MAP3K4: variants seen among roughly 807,000 people sequenced by gnomAD.
MAP3K4 encodes the protein mitogen-activated protein kinase kinase kinase 4.
A neutral mutation model predicts 185.6 loss-of-function variants in MAP3K4; 67 were observed. That is an observed-to-expected ratio of 0.36 (90% CI 0.30 to 0.44). The LOEUF is 0.44. MAP3K4 is among the 20% of genes least tolerant of loss of function. The pLI, the probability that MAP3K4 is intolerant of heterozygous loss-of-function variation, is 1.00. For synonymous variants in MAP3K4, 702 were observed against 710.4 expected (o/e 0.99, Z 0.19); for missense variants, 1,551 against 1,995.1 (o/e 0.78, Z 4.24).
chr6:161,094,493 CTG>C (rs1430968716), intron 15 of MAP3K4, among the ~76,000 whole-genome samples: 6 of 152,104 alleles, frequency 3.9e-5, no homozygotes, highest in African/African-American at 1.4e-4. Context: ...TCAAAAAAAG[CTG>C]TGTCTTATGC....
intron 3 of MAP3K4, among the ~76,000 whole-genome samples, chr6:161,065,666 C>T (rs1294405854): frequency 2.0e-5 from 3 of 152,132 alleles, no homozygotes; most frequent in East Asian, 1.9e-4. Flanking sequence ...GGGCTGGGCA[C>T]GGTGGCTTAC....
rs1463467774 is a variant in MAP3K4, at chr6:161,053,493, T to C, written c.1707+3514T>C. On this transcript the variant is annotated intron_variant, in intron 3 of 26. Transcript: ENST00000392142. The surrounding 1 kb of genome is among the most constrained non-coding windows in gnomAD (Gnocchi z 4.2). ...ATATGGGTGCAACTGTATTTTTATT[T>C]TTAAGATATCTTCTGCCTTTTAACC... is the stretch of plus-strand genomic sequence containing the variant. Among the ~76,000 whole-genome samples, 1 of 152,260 alleles carries C rather than the reference T, an allele frequency of 6.6e-6. No homozygotes were observed. The highest frequency in any genetic ancestry group is 1.5e-5 in the Non-Finnish European group (1 of 68,044).
rs1303751241 is a variant in MAP3K4 at position 161,007,875 on chromosome 6, CT to C, written c.152+15799del. On this transcript the variant is annotated intron_variant, in intron 1 of 26. Transcript: ENST00000392142. The surrounding 1 kb of genome is among the most constrained non-coding windows in gnomAD (Gnocchi z 4.5). ...ACTGCAATGAAGCAATGACACAGTG[CT>C]TTTTTTATATCAGTTGTAGGGTACG... Among the ~76,000 whole-genome samples the C allele has an allele frequency of 1.3e-5, 2 of 152,010 alleles. No homozygotes were observed. The highest frequency in any genetic ancestry group is 1.9e-4 in the East Asian group (1 of 5,186).
chr6:161,073,008 A>G lies in MAP3K4; in HGVS notation c.1951-458A>G, dbSNP rs1583196614. Among the ~76,000 whole-genome samples the G allele has an allele frequency of 6.6e-6, 1 of 152,310 alleles. No individual in the cohort carries two copies. Among genetic ancestry groups the G allele is most frequent in the Non-Finnish European group, 1.5e-5 (1 of 68,028 alleles). On this transcript the variant is annotated intron_variant, in intron 4 of 26. Transcript: ENST00000392142. The surrounding 1 kb of genome is among the most constrained non-coding windows in gnomAD (Gnocchi z 4.2). ...GACTGGGCCACAAATCACAGTAGGT[A>G]AACTATGCTAAATTATTGCGAAGGC...
intron 1 of MAP3K4, among the ~76,000 whole-genome samples, chr6:161,015,327 C>T (rs924661271): frequency 1.1e-4 from 17 of 151,878 alleles, no homozygotes; most frequent in African/African-American, 4.1e-4. Flanking sequence ...GGAGGGAGAG[C>T]ATCAGAAAGA....
intron 3 of MAP3K4, among the ~76,000 whole-genome samples, chr6:161,052,822 A>T (rs971557967): frequency 1.3e-5 from 2 of 152,070 alleles, no homozygotes; most frequent in African/African-American, 4.8e-5. Context: ...GTATGTCAGG[A>T]AAAGAGTCAC....
rs769445154 is a variant in MAP3K4 at position 161,101,708 on chromosome 6, T to TC, written c.3675-182dup. 6.4e-5 allele frequency: 36 copies of TC among 564,430 alleles called. No homozygotes were observed. Among genetic ancestry groups the TC allele is most frequent in the Non-Finnish European group, 1.1e-4 (35 of 316,892 alleles). 35.0% of individuals were successfully genotyped at this position (564,430 alleles called of 1,614,324 possible). On this transcript the variant is annotated intron_variant, in intron 17 of 26. Coordinates refer to ENST00000392142, the MANE Select transcript of MAP3K4 (RefSeq NM_005922.4). This position sits in a 1 kb window ranked among gnomAD's most constrained non-coding sequence, Gnocchi z 5.1. The stretch of plus-strand genomic sequence containing the variant: ...TCTGGTGGGTCTGTCCTGTGCGTTT[T>TC]CCGCTGCCCACTAGATGCCAGTAGC...
rs1425319955 is a variant in MAP3K4 at position 161,007,875 on chromosome 6, C to G, written c.152+15792C>G. Among the ~76,000 whole-genome samples the G allele has an allele frequency of 6.6e-6, 1 of 152,012 alleles. No homozygotes were observed. Among genetic ancestry groups the G allele is most frequent in the Non-Finnish European group, 1.5e-5 (1 of 67,994 alleles). On this transcript the variant is annotated intron_variant, in intron 1 of 26. Coordinates refer to ENST00000392142, the MANE Select transcript of MAP3K4 (RefSeq NM_005922.4). This position sits in a 1 kb window ranked among gnomAD's most constrained non-coding sequence, Gnocchi z 4.5. ...ACTGCAATGAAGCAATGACACAGTG[C>G]TTTTTTTATATCAGTTGTAGGGTAC...
At chr6:161,000,039 A>C (rs1781193919) in intron 1 of MAP3K4, among the ~76,000 whole-genome samples, 1 of 152,200 alleles carries the variant, frequency 6.6e-6, no homozygotes, top group East Asian at 1.9e-4. Flanking sequence ...TAAGATTCTA[A>C]CTTCTGGTCT....
chr6:161,068,380 G>C lies in MAP3K4; in HGVS notation c.1708-2228G>C, dbSNP rs1488913332. On this transcript the variant is annotated intron_variant, in intron 3 of 26. Transcript: ENST00000392142. Reference sequence around the variant, plus strand: ...CACCAGGGACAGAACACTGTCTGCAGATCAGAACTTCTGATAATAAAAGGG... The same window carrying C: ...CACCAGGGACAGAACACTGTCTGCACATCAGAACTTCTGATAATAAAAGGG... Among the ~76,000 whole-genome samples, 4 of 152,192 alleles carry C rather than the reference G, an allele frequency of 2.6e-5. No individual in the cohort carries two copies. In the East Asian group the frequency reaches 7.7e-4, roughly 29 times the overall value.
At position 161,100,074 on chromosome 6, in the gene MAP3K4, A is replaced by C. The variant is rs1485512224; in HGVS notation, c.3674+1647A>C. On this transcript the variant is annotated intron_variant, in intron 17 of 26. Transcript: ENST00000392142. The surrounding 1 kb of genome is among the most constrained non-coding windows in gnomAD (Gnocchi z 5.8). ...TGACCGTCTGTGTGTGTGAGATGGT[A>C]GGTAGAGAAGAGCACAGCCACGTGA... is the stretch of plus-strand genomic sequence containing the variant. 6.6e-6 allele frequency among the ~76,000 whole-genome samples: 1 copy of C among 152,180 alleles called. No homozygotes were observed. The highest frequency in any genetic ancestry group is 1.5e-5 in the Non-Finnish European group (1 of 68,024).
In MAP3K4 at chr6:161,086,417, T is replaced by G; in HGVS notation, c.2411T>G (p.Leu804Arg). Residue 804 changes from leucine to arginine, a missense_variant, in exon 8 of 27, where the codon CTC becomes CGC. Physicochemically the swap from Leu to Arg is moderately radical, Grantham distance 102. Coordinates refer to ENST00000392142, the MANE Select transcript of MAP3K4 (RefSeq NM_005922.4). This position sits in a 1 kb window ranked among gnomAD's most constrained non-coding sequence, Gnocchi z 4.8. ...VIEISRALKE[L>R]FHEARERASK... ...GAGATCAGTCGAGCCCTGAAGGAGCTCTTCCATGAAGCCAGAGAAAGGGCT... is the reference window on the plus strand; with the variant it reads ...GAGATCAGTCGAGCCCTGAAGGAGCGCTTCCATGAAGCCAGAGAAAGGGCT... 6.2e-7 allele frequency: 1 copy of G among 1,614,120 alleles called. No individual in the cohort carries two copies. The highest frequency in any genetic ancestry group is 8.5e-7 in the Non-Finnish European group (1 of 1,179,994).
intron 5 of MAP3K4, among the ~76,000 whole-genome samples, chr6:161,078,713 T>G (rs1413335965): frequency 6.6e-6 from 1 of 152,002 alleles, no homozygotes; most frequent in African/African-American, 2.4e-5. Context: ...TGAAGAAGTG[T>G]TCGGTGGGTT....
In MAP3K4 at chr6:161,109,114, T is replaced by C; in HGVS notation, c.4236+255T>C. The C allele has an allele frequency of 9.4e-7, 1 of 1,069,006 alleles. No homozygotes were observed. Among genetic ancestry groups the C allele is most frequent in the Non-Finnish European group, 1.4e-6 (1 of 735,406 alleles). 66.2% of individuals were successfully genotyped at this position (1,069,006 alleles called of 1,614,324 possible). On this transcript the variant is annotated intron_variant, in intron 22 of 26. Coordinates refer to ENST00000392142, the MANE Select transcript of MAP3K4 (RefSeq NM_005922.4). This position sits in a 1 kb window ranked among gnomAD's most constrained non-coding sequence, Gnocchi z 5.7. ...ACCCATCCTGCCATTCAGAAGATTC[T>C]TCTAAAACGCCCCTTACACCACTTC...
At chr6:161,032,087 A>G (rs1782956864) in intron 1 of MAP3K4, among the ~76,000 whole-genome samples, 1 of 152,242 alleles carries the variant, frequency 6.6e-6, no homozygotes, top group African/African-American at 2.4e-5. Context: ...TGAGAGCCCT[A>G]TGCTGGACAG....
At chr6:161,038,539 C>A (rs952433891) in intron 2 of MAP3K4, among the ~76,000 whole-genome samples, 1 of 152,208 alleles carries the variant, frequency 6.6e-6, no homozygotes, top group Non-Finnish European at 1.5e-5. Context: ...TTTAGAACTG[C>A]GGTCAGAGTT....
At position 161,037,940 on chromosome 6, in the gene MAP3K4, G is replaced by A. The variant is rs903902088; in HGVS notation, c.343+3491G>A. Among the ~76,000 whole-genome samples, 4 of 151,980 alleles carry A rather than the reference G, an allele frequency of 2.6e-5. No homozygotes were observed. The highest frequency in any genetic ancestry group is 4.4e-5 in the Non-Finnish European group (3 of 68,010). ...TCCTTGTATGTCTTCCTAGTCCTTC[G>A]CTTTATCTCACTACATAATGCTGCT... On this transcript the variant is annotated intron_variant, in intron 2 of 26. Coordinates refer to ENST00000392142, the MANE Select transcript of MAP3K4 (RefSeq NM_005922.4). The surrounding 1 kb of genome is among the most constrained non-coding windows in gnomAD (Gnocchi z 4.2).
chr6:161,057,315 A>G (rs1159002649), intron 3 of MAP3K4, among the ~76,000 whole-genome samples: 1 of 152,294 alleles, frequency 6.6e-6, no homozygotes, highest in Admixed American at 6.5e-5. Flanking sequence ...ATTGACTCTC[A>G]CAGTGTTCCA....
chr6:161,116,280 T>C lies in MAP3K4; in HGVS notation c.4807-570T>C, dbSNP rs1161921038. ...TACATTTGGAGCATCTGCTTGGAGA[T>C]TTCACATGGGCATTTGGATACCTGG... On this transcript the variant is annotated intron_variant, in intron 26 of 26. Coordinates refer to ENST00000392142, the MANE Select transcript of MAP3K4 (RefSeq NM_005922.4). This position sits in a 1 kb window ranked among gnomAD's most constrained non-coding sequence, Gnocchi z 6.2. 1.3e-5 allele frequency among the ~76,000 whole-genome samples: 2 copies of C among 151,890 alleles called. No individual in the cohort carries two copies. Among genetic ancestry groups the C allele is most frequent in the South Asian group, 2.1e-4 (1 of 4,818 alleles).
Sources: gnomAD v4.1 joint callset for allele counts (sites outside exome capture counted in the v4.1 genomes callset) on GRCh38, gnomAD v4.1.1 for gene constraint, Gnocchi (gnomAD v3.1) non-coding constraint, MANE v1.5 for transcripts, NCBI Gene and HGNC (gene_info 2026-07-23, HGNC 2026-07-21) for gene names.